The following ADAM8 variants were observed in gnomAD, a reference collection of about 807,000 sequenced individuals.
ADAM8 encodes ADAM metallopeptidase domain 8, also known as disintegrin and metalloproteinase domain-containing protein 8.
In ADAM8, 104 loss-of-function variants were observed where a neutral mutation model predicts 102.4. The ratio of observed to expected loss-of-function variants is 1.02; its 90% CI spans 0.87 to 1.20. ADAM8 has a LOEUF of 1.20. ADAM8 is among the 50% of genes most tolerant of loss of function. ADAM8 has a pLI of 0.00. For synonymous variants in ADAM8, 517 were observed against 485.2 expected, an observed-to-expected ratio of 1.07 and a Z score of -0.86; for missense variants, 1,132 against 1,159.0, an observed-to-expected ratio of 0.98 and a Z score of 0.34.
rs755015233 is a variant in ADAM8 at position 133,263,151 on chromosome 10, C to T, written c.*5G>A. ...CCAAATTTCCACACAGGCGCAGGTG[C>T]CCCCCTAGGGTGCTGTGGGAGCTCC... On this transcript the variant is annotated 3_prime_UTR_variant, in exon 23 of 23. Transcript: ENST00000445355. 6.2e-7 allele frequency: 1 copy of T among 1,613,820 alleles called. No homozygotes were observed. Among genetic ancestry groups the T allele is most frequent in the South Asian group, 1.1e-5 (1 of 91,036 alleles).
Position 133,270,607 on chromosome 10 carries a change from G to A in ADAM8, c.1635-97C>T, listed in dbSNP as rs758469950. ...CCACCTCCCTCCCACAACACGGTGC[G>A]CTTGAGCCTGGGGTCCATGGGTCCA... On this transcript the variant is annotated intron_variant, in intron 15 of 22. Coordinates refer to ENST00000445355, the MANE Select transcript of ADAM8 (RefSeq NM_001109.5). 7.1e-5 allele frequency: 109 copies of A among 1,539,984 alleles called. 1 individual carries two copies. The highest frequency in any genetic ancestry group is 9.0e-5 in the Non-Finnish European group (102 of 1,134,118).
In ADAM8 at chr10:133,271,537, G is replaced by T. The variant is rs1846525538; in HGVS notation, c.1275C>A (p.Gly425=). 11 of 1,554,578 alleles carry T rather than the reference G, an allele frequency of 7.1e-6. No homozygotes were observed. Among genetic ancestry groups the T allele is most frequent in the Non-Finnish European group, 8.7e-6 (10 of 1,149,284 alleles). ...FVERGEQCDC[G]PPEDCRNRCC... is the part of the protein sequence containing the mutation. Reference sequence around the variant, plus strand: ...TGGGGCATGGACGCACCTCGGGGGGGCCGCAGTCGCACTGCTCCCCACGCT... The same window carrying T: ...TGGGGCATGGACGCACCTCGGGGGGTCCGCAGTCGCACTGCTCCCCACGCT... Residue 425 remains glycine (G), a synonymous_variant, in exon 12 of 23, where the codon GGC becomes GGA. Transcript: ENST00000445355.
In ADAM8 at chr10:133,272,409, A is replaced by G; in HGVS notation, c.875+7T>C. On this transcript the variant is annotated splice_region_variant and intron_variant, in intron 9 of 22. Transcript: ENST00000445355. Reference sequence around the variant, plus strand: ...CCCTCCCCACCCTGCCCGCTCCGCCAGCTCACGTGATGAGCTGTACGTTGT... The same window carrying G: ...CCCTCCCCACCCTGCCCGCTCCGCCGGCTCACGTGATGAGCTGTACGTTGT... 8.3e-7 allele frequency: 1 copy of G among 1,203,148 alleles called. No individual in the cohort carries two copies. Among genetic ancestry groups the G allele is most frequent in the Non-Finnish European group, 1.1e-6 (1 of 923,768 alleles). The allele number at this position is 1,203,148 out of a possible 1,614,324, so 74.5% of individuals were successfully genotyped here.
At position 133,272,540 on chromosome 10, in the gene ADAM8, T is replaced by TCTCCAGGCC; in HGVS notation, c.742_750dup (p.Gly248_Glu250dup). 6.2e-7 allele frequency: 1 copy of TCTCCAGGCC among 1,611,628 alleles called. No individual in the cohort carries two copies. Among genetic ancestry groups the TCTCCAGGCC allele is most frequent in the Non-Finnish European group, 8.5e-7 (1 of 1,179,678 alleles). On this transcript the variant is annotated inframe_insertion, in exon 9 of 23. Transcript: ENST00000445355. ...TGGAACCTGTCCTGACTATTCCAAA[T>TCTCCAGGCC]CTCCAGGCCCACCAGGACCACACGG...
At position 133,275,549 on chromosome 10, in the gene ADAM8, A is replaced by C; in HGVS notation, c.85T>G (p.Tyr29Asp). ...PSRPWALMEQ[Y>D]EVVLPWRLPG... ...AGACGCCACGGCAACACGACCTCAT[A>C]CTGCTCCATGAGGGCCCAGGGCCGG... The change falls in exon 2 of 23, where the codon TAT becomes GAT. Residue 29 changes from tyrosine (Y) to aspartate (D), a missense_variant. Coordinates refer to ENST00000445355, the MANE Select transcript of ADAM8 (RefSeq NM_001109.5). The C allele has an allele frequency of 6.6e-7, 1 of 1,512,698 alleles. No individual in the cohort carries two copies. Among genetic ancestry groups the C allele is most frequent in the East Asian group, 2.7e-5 (1 of 37,142 alleles). The allele number at this position is 1,512,698 out of a possible 1,614,324, so 93.7% of individuals were successfully genotyped here. A position where few individuals can be genotyped will look rare whatever the true frequency, so the allele number is the denominator to read the frequency against.
chr10:133,276,168 GACC>G (rs1846743813), intron 1 of ADAM8, among the ~76,000 whole-genome samples: 1 of 152,172 alleles, frequency 6.6e-6, no homozygotes, highest in Non-Finnish European at 1.5e-5. Flanking sequence ...GTGTCTCCAT[GACC>G]ACATCTCCAA....
In ADAM8 at chr10:133,270,376, C is replaced by G; in HGVS notation, c.1769G>C (p.Arg590Pro). The change falls in exon 16 of 23, where the codon CGG (arginine) becomes CCG (proline). Residue 590 changes from arginine to proline, a missense_variant. Physicochemically the swap from Arg to Pro is moderately radical, Grantham distance 103. Coordinates refer to ENST00000445355, the MANE Select transcript of ADAM8 (RefSeq NM_001109.5). ...GGGGCTCACCTTCTCTGGTCCACAC[C>G]GGGTGCCCTCGGGCACTGGTTCATA... ...TAYEPVPEGT[R>P]CGPEKVCWKG... The G allele has an allele frequency of 6.3e-7, 1 of 1,588,004 alleles. No homozygotes were observed. The highest frequency in any genetic ancestry group is 8.6e-7 in the Non-Finnish European group (1 of 1,160,466).
Position 133,269,899 on chromosome 10 carries a change from C to T in ADAM8, c.1861G>A (p.Gly621Arg), listed in dbSNP as rs1846462640. 6.2e-7 allele frequency: 1 copy of T among 1,612,594 alleles called. No individual in the cohort carries two copies. The highest frequency in any genetic ancestry group is 1.3e-5 in the African/African-American group (1 of 74,946). Residue 621 changes from glycine to arginine, a missense_variant and splice_region_variant, in exon 17 of 23, where the codon GGG becomes AGG. By Grantham distance (125) the Gly-to-Arg change is moderately radical. Coordinates refer to ENST00000445355, the MANE Select transcript of ADAM8 (RefSeq NM_001109.5). Reference protein sequence around the residue: ...SNCSAQCHNHGVCNHKQECHC... With the variant: ...SNCSAQCHNHRVCNHKQECHC... ...CTGTCCCGAGAGGCCACACATACCC[C>T]ATGGTTGTGGCACTGGGCAGAGCAG... is the stretch of plus-strand genomic sequence containing the variant.
At chr10:133,272,772 C>G in intron 8 of ADAM8, 26 bp downstream of exon 8, 1 of 1,596,694 alleles carries the variant, frequency 6.3e-7, no homozygotes, top group Non-Finnish European at 8.5e-7. Context: ...GGCTCTGGCA[C>G]CTCTGCAGCC....
chr10:133,271,593 C>G lies in ADAM8; in HGVS notation c.1219G>C (p.Gly407Arg), dbSNP rs936809381. 64 of 1,558,000 alleles carry G rather than the reference C, an allele frequency of 4.1e-5. No individual in the cohort carries two copies. Among genetic ancestry groups the G allele is most frequent in the Non-Finnish European group, 5.5e-5 (63 of 1,151,112 alleles). Reference sequence around the variant, plus strand: ...AACAGGTTCCCACACACGGGGCCGCCCACCAGGTGGCTGAGGTCAGGGGCG... The same window carrying G: ...AACAGGTTCCCACACACGGGGCCGCGCACCAGGTGGCTGAGGTCAGGGGCG... ...ANAPDLSHLV[G>R]GPVCGNLFVE... Residue 407 changes from glycine to arginine, a missense_variant, in exon 12 of 23, where the codon GGC (glycine) becomes CGC (arginine). By Grantham distance (125) the Gly-to-Arg change is moderately radical. Coordinates refer to ENST00000445355, the MANE Select transcript of ADAM8 (RefSeq NM_001109.5).
intron 22 of ADAM8, 46 bp downstream of exon 22, chr10:133,263,642 C>CACTGTCAGCCCCGTGGGGAGGCCGT (rs59673054): frequency 1.0e-5 from 15 of 1,481,914 alleles, no homozygotes; most frequent in African/African-American, 2.9e-5. Flanking sequence ...GAGGCCGTGC[C>CACTGTCAGCCCCGTGGGGAGGCCGT]GTCCATTGCA....
chr10:133,269,593 G>T, intron 17 of ADAM8, 64 bp from the exon 18 acceptor site: 1 of 1,453,926 alleles, frequency 6.9e-7, no homozygotes, highest in Non-Finnish European at 9.2e-7. Context: ...TGGGGGCCGT[G>T]CCTCCAGCAT....
Position 133,269,888 on chromosome 10 carries a change from C to G in ADAM8, c.1863+9G>C, listed in dbSNP as rs1295355021. On this transcript the variant is annotated intron_variant, in intron 17 of 22. Coordinates refer to ENST00000445355, the MANE Select transcript of ADAM8 (RefSeq NM_001109.5). ...GTGCAGGGGCCCTGTCCCGAGAGGC[C>G]ACACATACCCCATGGTTGTGGCACT... 4.3e-6 allele frequency: 7 copies of G among 1,612,592 alleles called. No individual in the cohort carries two copies. The highest frequency in any genetic ancestry group is 5.9e-6 in the Non-Finnish European group (7 of 1,179,894).
intron 20 of ADAM8, 107 bp downstream of exon 20, chr10:133,267,822 G>T: frequency 3.6e-6 from 4 of 1,112,470 alleles, no homozygotes; most frequent in Non-Finnish European, 4.6e-6. Flanking sequence ...TGGCCTGTGC[G>T]TGAATTTAAT....
At chr10:133,275,930 C>G (rs2136097271) in intron 1 of ADAM8, 1 of 252,836 alleles carries the variant, frequency 4.0e-6, no homozygotes, top group Non-Finnish European at 7.5e-6. Context: ...GGGAGGAGGA[C>G]TCGGGCCGCC....
Position 133,269,483 on chromosome 10 carries a change from G to T in ADAM8, c.1910C>A (p.Pro637Gln), listed in dbSNP as rs375767499. The change falls in exon 18 of 23, where the codon CCG (proline) becomes CAG (glutamine). Residue 637 changes from proline (P) to glutamine (Q), a missense_variant. Coordinates refer to ENST00000445355, the MANE Select transcript of ADAM8 (RefSeq NM_001109.5). ...AGTCAGCAGCTTCGCGCAGTGGGGC[G>T]GGGCCCAGCCCGCGTGGCAGTGGCA... ...QECHCHAGWA[P>Q]PHCAKLLTEV... 2 of 1,600,212 alleles carry T rather than the reference G, an allele frequency of 1.2e-6. No homozygotes were observed.
chr10:133,262,952 T>C lies in ADAM8; in HGVS notation c.*204A>G. 4 of 698,394 alleles carry C rather than the reference T, an allele frequency of 5.7e-6. No homozygotes were observed. The South Asian group carries it at 6.7e-5, about 12-fold the overall frequency. 43.3% of individuals were successfully genotyped at this position (698,394 alleles called of 1,614,324 possible). A position where few individuals can be genotyped will look rare whatever the true frequency, so the allele number is the denominator to read the frequency against. On this transcript the variant is annotated 3_prime_UTR_variant, in exon 23 of 23. Coordinates refer to ENST00000445355, the MANE Select transcript of ADAM8 (RefSeq NM_001109.5). Reference sequence around the variant, plus strand: ...GCCTGCAGACAGCTGGGGCTACACGTGGCCAAGGCGGGGAGAAGGAATTGG... The same window carrying C: ...GCCTGCAGACAGCTGGGGCTACACGCGGCCAAGGCGGGGAGAAGGAATTGG...
intron 13 of ADAM8, 38 bp from the exon 14 acceptor site, chr10:133,271,108 C>G (rs560446626): frequency 5.6e-6 from 9 of 1,596,692 alleles, no homozygotes; most frequent in Non-Finnish European, 7.7e-6. Flanking sequence ...GGGGACAGGT[C>G]CACGCAAGCT....
Position 133,263,193 on chromosome 10 carries a change from T to C in ADAM8, c.2438A>G (p.Gln813Arg). The C allele has an allele frequency of 6.2e-7, 1 of 1,613,432 alleles. No individual in the cohort carries two copies. Among genetic ancestry groups the C allele is most frequent in the Non-Finnish European group, 8.5e-7 (1 of 1,179,540 alleles). ...GGGAGCTCCGGCTCCTTGCTTCCTC[T>C]GGATGGGGGGCTTCAGGGCAACCTT... ...GPKVALKPPI[Q>R]RKQGAGAPTA... Residue 813 changes from glutamine to arginine, a missense_variant, in exon 23 of 23, where the codon CAG (glutamine) becomes CGG (arginine). Transcript: ENST00000445355.
Sources: gnomAD v4.1 joint callset for allele counts (sites outside exome capture counted in the v4.1 genomes callset) on GRCh38, gnomAD v4.1.1 for gene constraint, MANE v1.5 for transcripts, NCBI Gene and HGNC (gene_info 2026-07-23, HGNC 2026-07-21) for gene names.